UNC13B: variants seen among roughly 807,000 people sequenced by gnomAD.
The protein encoded by UNC13B is unc-13 homolog B.
Under a neutral mutation model 211.0 loss-of-function variants are expected in UNC13B, and 144 were observed. The ratio of observed to expected loss-of-function variants is 0.68; its 90% CI spans 0.60 to 0.78. UNC13B has a LOEUF of 0.78. Ranked by LOEUF, UNC13B falls within the 30% of genes least tolerant of loss-of-function variation. UNC13B has a pLI of 0.00. For missense variants in UNC13B, 1,777 were observed against 2,002.0 expected (o/e 0.89, Z 2.14); for synonymous variants, 709 against 725.8 (o/e 0.98, Z 0.37).
At chr9:35,263,735 G>A (rs887513872) in intron 7 of UNC13B, among the ~76,000 whole-genome samples, 2 of 152,134 alleles carry the variant, frequency 1.3e-5, no homozygotes, top group Non-Finnish European at 2.9e-5. Flanking sequence ...GGCCTGTGAG[G>A]AGGTGATAAA....
chr9:35,343,348 T>G (rs1282193634), intron 11 of UNC13B, among the ~76,000 whole-genome samples: 1 of 152,238 alleles, frequency 6.6e-6, no homozygotes, highest in East Asian at 1.9e-4. Context: ...AGCGTACTCT[T>G]GGTCCAGTTT....
chr9:35,284,300 C>T (rs976872172), intron 7 of UNC13B, among the ~76,000 whole-genome samples: 1 of 151,906 alleles, frequency 6.6e-6, no homozygotes, highest in Non-Finnish European at 1.5e-5. Context: ...TTGAGCAGTA[C>T]GGTTATGATT....
rs1829844808 is a variant in UNC13B, at chr9:35,304,692, G to A, written c.5288G>A (p.Gly1763Asp). 2.5e-6 allele frequency: 1 copy of A among 398,798 alleles called. No homozygotes were observed. The highest frequency in any genetic ancestry group is 4.4e-6 in the Non-Finnish European group (1 of 225,942). 24.7% of individuals were successfully genotyped at this position (398,798 alleles called of 1,614,324 possible). ...SVFSVLGASV[G>D]STLKFDKSES... ...TTTTCTGTTTTGGGTGCCTCAGTTGGTAGTACTTTGAAGTTTGATAAGAGT... is the reference window on the plus strand; with the variant it reads ...TTTTCTGTTTTGGGTGCCTCAGTTGATAGTACTTTGAAGTTTGATAAGAGT... The change falls in exon 9 of 40, where the codon GGT (glycine) becomes GAT (aspartate). Residue 1763 changes from glycine (G) to aspartate (D), a missense_variant. By Grantham distance (94) the Gly-to-Asp change is moderately conservative. Coordinates refer to ENST00000635942, the MANE Select transcript of UNC13B (RefSeq NM_001371189.2).
chr9:35,367,888 T>C (rs1833876430), intron 12 of UNC13B, among the ~76,000 whole-genome samples: 1 of 152,180 alleles, frequency 6.6e-6, no homozygotes, highest in African/African-American at 2.4e-5. Flanking sequence ...TTCCCACAAA[T>C]ACCACCAATT....
intron 5 of UNC13B, among the ~76,000 whole-genome samples, chr9:35,239,316 G>A (rs944985302): frequency 6.6e-6 from 1 of 152,112 alleles, no homozygotes; most frequent in Non-Finnish European, 1.5e-5. Context: ...GTCCAGGGGA[G>A]ACGTCACATG....
chr9:35,352,912 T>C, intron 11 of UNC13B: 1 of 1,232,036 alleles, frequency 8.1e-7, no homozygotes, highest in Admixed American at 4.2e-5. Context: ...AACCAGAAAA[T>C]GACTGCCACG....
At chr9:35,196,846 C>T (rs2131360411) in intron 1 of UNC13B, among the ~76,000 whole-genome samples, 1 of 152,274 alleles carries the variant, frequency 6.6e-6, no homozygotes, top group African/African-American at 2.4e-5. Flanking sequence ...TCATGGCTGA[C>T]TGCATCCTTG....
At chr9:35,297,725 AT>A (rs1829463338) in intron 8 of UNC13B, among the ~76,000 whole-genome samples, 2 of 149,618 alleles carry the variant, frequency 1.3e-5, no homozygotes, top group South Asian at 4.2e-4. Context: ...AATTTTTTGT[AT>A]TTTTAGTAGA....
At chr9:35,239,030 T>C (rs1486823285) in intron 5 of UNC13B, among the ~76,000 whole-genome samples, 1 of 152,134 alleles carries the variant, frequency 6.6e-6, no homozygotes, top group African/African-American at 2.4e-5. Context: ...AGTACATCAT[T>C]ACTTTTTATG....
At chr9:35,261,381 C>A (rs1827262941) in intron 7 of UNC13B, among the ~76,000 whole-genome samples, 1 of 152,102 alleles carries the variant, frequency 6.6e-6, no homozygotes, top group South Asian at 2.1e-4. Context: ...AAGACTGATA[C>A]AGTAATATTG....
intron 1 of UNC13B, among the ~76,000 whole-genome samples, chr9:35,223,026 G>C (rs745740039): frequency 1.3e-5 from 2 of 152,106 alleles, no homozygotes; most frequent in Non-Finnish European, 2.9e-5. Flanking sequence ...AAATGACAGG[G>C]TTTCATTCTT....
At chr9:35,386,352 T>C in intron 24 of UNC13B, 59 bp downstream of exon 24, 1 of 1,606,914 alleles carries the variant, frequency 6.2e-7, no homozygotes, top group Non-Finnish European at 8.5e-7. Flanking sequence ...GCCTCAGTTT[T>C]CCTTCATGAT....
chr9:35,180,927 T>TA (rs1226579932), intron 1 of UNC13B, among the ~76,000 whole-genome samples: 29 of 86,788 alleles, frequency 3.3e-4, no homozygotes, highest in African/African-American at 1.3e-3. Flanking sequence ...GACCCTGTCT[T>TA]TAAAAAAAAA....
At chr9:35,383,762 C>G (rs1835006356) in intron 21 of UNC13B, among the ~76,000 whole-genome samples, 1 of 152,002 alleles carries the variant, frequency 6.6e-6, no homozygotes, top group South Asian at 2.1e-4. Flanking sequence ...CCTGCCTGTC[C>G]TGTTATCTTT....
rs181426883 is a variant in UNC13B at position 35,234,812 on chromosome 9, A to G, written c.153-1657A>G. Among the ~76,000 whole-genome samples, 100 of 152,362 alleles carry G rather than the reference A, an allele frequency of 6.6e-4. No homozygotes were observed. In the East Asian group the frequency reaches 0.016, roughly 25 times the overall value. ...GCTTTATTCATTTTCAACACCTGAC[A>G]TGAATTCTGTGGCTGTCATTCTATA... On this transcript the variant is annotated intron_variant, in intron 3 of 39. Transcript: ENST00000635942.
At position 35,243,253 on chromosome 9, in the gene UNC13B, T is replaced by C. The variant is rs763588351; in HGVS notation, c.395-38T>C. The C allele has an allele frequency of 1.9e-6, 3 of 1,590,620 alleles. No homozygotes were observed. The African/African-American group carries it at 4.0e-5, about 21-fold the overall frequency. On this transcript the variant is annotated intron_variant, in intron 5 of 39. Coordinates refer to ENST00000635942, the MANE Select transcript of UNC13B (RefSeq NM_001371189.2). Reference sequence around the variant, plus strand: ...CTGCTGATGATTTATTACCTGCTGATGTGATTTCTTTTCTTTTTCTTCTTT... The same window carrying C: ...CTGCTGATGATTTATTACCTGCTGACGTGATTTCTTTTCTTTTTCTTCTTT...
chr9:35,230,088 G>A (rs545306378), intron 2 of UNC13B, among the ~76,000 whole-genome samples: 9 of 152,272 alleles, frequency 5.9e-5, no homozygotes, highest in African/African-American at 2.2e-4. Flanking sequence ...TGAGTTTGAA[G>A]TTTCAGGCCA....
chr9:35,189,309 G>A (rs952069939), intron 1 of UNC13B, among the ~76,000 whole-genome samples: 1 of 152,134 alleles, frequency 6.6e-6, no homozygotes, highest in African/African-American at 2.4e-5. Context: ...TTATGTACCA[G>A]GTGTGGAGCC....
In UNC13B at chr9:35,344,215, T is replaced by C. The variant is rs376578246; in HGVS notation, c.9415-22732T>C. 6.2e-4 allele frequency among the ~76,000 whole-genome samples: 95 copies of C among 152,322 alleles called. No individual in the cohort carries two copies. In the South Asian group the frequency reaches 0.015, roughly 24 times the overall value. ...CACTGGAGAGATACCAGCTAATTGATGGTCTGGCAGAGACCGGTGCTGCCA... is the reference window on the plus strand; with the variant it reads ...CACTGGAGAGATACCAGCTAATTGACGGTCTGGCAGAGACCGGTGCTGCCA... On this transcript the variant is annotated intron_variant, in intron 11 of 39. Transcript: ENST00000635942.
Sources: gnomAD v4.1 joint callset for allele counts (sites outside exome capture counted in the v4.1 genomes callset) on GRCh38, gnomAD v4.1.1 for gene constraint, MANE v1.5 for transcripts, NCBI Gene and HGNC (gene_info 2026-07-23, HGNC 2026-07-21) for gene names.